The following COL5A2 variants were observed in gnomAD, a reference collection of about 807,000 sequenced individuals.
The protein encoded by COL5A2 is collagen type V alpha 2 chain.
In COL5A2, 23 loss-of-function variants were observed where a neutral mutation model predicts 208.2. The observed-to-expected ratio is 0.11, with a 90% CI of 0.08 to 0.16. The LOEUF (loss-of-function observed/expected upper bound fraction) is 0.16. Among genes scored for constraint, COL5A2 ranks in the 10% least tolerant of loss-of-function variants. The pLI is 1.00. For missense variants in COL5A2, 1,590 were observed against 1,956.4 expected (o/e 0.81, Z 3.53); for synonymous variants, 625 against 628.5 (o/e 0.99, Z 0.08).
the COL5A2 span, among the ~76,000 whole-genome samples, chr2:189,363,970 G>A: frequency 6.6e-6 from 1 of 152,206 alleles, no homozygotes; most frequent in Non-Finnish European, 1.5e-5. Flanking sequence ...TGTTCATACA[G>A]GAAGGGAAAC....
the COL5A2 span, among the ~76,000 whole-genome samples, chr2:189,319,745 G>A: frequency 0.017 from 2,592 of 152,332 alleles, 77 homozygotes; most frequent in African/African-American, 0.059. Context: ...GGAGCAGGGC[G>A]TAGCCGAACA....
At chr2:189,099,517 C>T (rs1480280418) in intron 4 of COL5A2, among the ~76,000 whole-genome samples, 3 of 152,008 alleles carry the variant, frequency 2.0e-5, no homozygotes, top group African/African-American at 7.2e-5. Context: ...CCCAGCTGCT[C>T]GGGAGGCTGA....
chr2:189,241,942 C>T, the COL5A2 span, among the ~76,000 whole-genome samples: 3 of 152,100 alleles, frequency 2.0e-5, no homozygotes, highest in Non-Finnish European at 2.9e-5. Context: ...ATTTTATGTA[C>T]TTTTCTTTGA....
chr2:189,102,042 TGAAA>T (rs1441690385), intron 3 of COL5A2, among the ~76,000 whole-genome samples: 7 of 152,216 alleles, frequency 4.6e-5, no homozygotes, highest in African/African-American at 1.2e-4. Flanking sequence ...TTCAAAATGC[TGAAA>T]GAATTTGAAT....
chr2:189,402,578 T>C, the COL5A2 span, among the ~76,000 whole-genome samples: 1 of 152,192 alleles, frequency 6.6e-6, no homozygotes, highest in Admixed American at 6.5e-5. Flanking sequence ...TTGTATATGG[T>C]ATAAGGAAGG....
At chr2:189,098,615 A>T in intron 5 of COL5A2, 112 bp downstream of exon 5, 1 of 877,782 alleles carries the variant, frequency 1.1e-6, no homozygotes, top group South Asian at 1.4e-5. Flanking sequence ...GTTTTAAGAG[A>T]CCAAGTATCA....
At chr2:189,313,144 G>T in the COL5A2 span, among the ~76,000 whole-genome samples, 4 of 151,930 alleles carry the variant, frequency 2.6e-5, no homozygotes, top group Non-Finnish European at 5.9e-5. Context: ...GACAAGACGG[G>T]AGCAGACAAA....
the COL5A2 span, among the ~76,000 whole-genome samples, chr2:189,312,910 G>A: frequency 1.3e-5 from 2 of 150,756 alleles, no homozygotes; most frequent in Non-Finnish European, 1.5e-5. Context: ...CAACCTCAAA[G>A]ATAGAAGGTA....
chr2:189,058,745 GA>G, intron 32 of COL5A2, 103 bp downstream of exon 32: 1 of 1,124,548 alleles, frequency 8.9e-7, no homozygotes, highest in South Asian at 1.4e-5. Flanking sequence ...TCCAGTCAAA[GA>G]ATTTATAGGT....
chr2:189,322,324 G>T, the COL5A2 span, among the ~76,000 whole-genome samples: 1 of 152,056 alleles, frequency 6.6e-6, no homozygotes, highest in East Asian at 1.9e-4. Context: ...AAATAACAAA[G>T]ATCAGAGCAG....
At chr2:189,344,578 A>T in the COL5A2 span, among the ~76,000 whole-genome samples, 3 of 152,146 alleles carry the variant, frequency 2.0e-5, no homozygotes, top group Non-Finnish European at 4.4e-5. Context: ...AGTCCCAAGA[A>T]TATCTAAACT....
At position 189,033,621 on chromosome 2, in the gene COL5A2, G is replaced by T; in HGVS notation, c.*449C>A. 1 of 185,896 alleles carries T rather than the reference G, an allele frequency of 5.4e-6. No individual in the cohort carries two copies. Among genetic ancestry groups the T allele is most frequent in the Non-Finnish European group, 1.2e-5 (1 of 86,764 alleles). 11.5% of individuals were successfully genotyped at this position (185,896 alleles called of 1,614,324 possible). A position where few individuals can be genotyped will look rare whatever the true frequency, so the allele number is the denominator to read the frequency against. ...TCTTGGAATGAGAGGTCACAAAAGG[G>T]CACTAATTTCTATTTTTCAACTGCA... On this transcript the variant is annotated 3_prime_UTR_variant, in exon 54 of 54. Transcript: ENST00000374866.
intron 1 of COL5A2, among the ~76,000 whole-genome samples, chr2:189,151,346 A>G (rs990003707): frequency 6.6e-6 from 1 of 152,158 alleles, no homozygotes; most frequent in African/African-American, 2.4e-5. Context: ...TTTATGTTTT[A>G]TATTTAATAA....
chr2:189,060,530 G>A (rs938277523), intron 31 of COL5A2, among the ~76,000 whole-genome samples, 200 bp downstream of exon 31: 1 of 152,060 alleles, frequency 6.6e-6, no homozygotes, highest in African/African-American at 2.4e-5. Context: ...TGTGACTTTG[G>A]GAAAGTTATC....
chr2:189,166,004 GA>G (rs1406100291), intron 1 of COL5A2, among the ~76,000 whole-genome samples: 4 of 152,058 alleles, frequency 2.6e-5, no homozygotes, highest in African/African-American at 9.7e-5. Context: ...GTAAAAAATA[GA>G]AGAGTCAAAG....
chr2:189,173,534 T>C (rs898090377), intron 1 of COL5A2, among the ~76,000 whole-genome samples: 64 of 152,232 alleles, frequency 4.2e-4, no homozygotes, highest in African/African-American at 1.5e-3. Context: ...TTTTAAATAT[T>C]GAATATCACA....
rs1576493048 is a variant in COL5A2, at chr2:189,049,385, G to A, written c.3109C>T (p.Pro1037Ser). 3.1e-6 allele frequency: 5 copies of A among 1,613,450 alleles called. No homozygotes were observed. Residue 1037 changes from proline to serine, a missense_variant, in exon 44 of 54, where the codon CCA becomes TCA. By Grantham distance (74) the Pro-to-Ser change is moderately conservative (BLOSUM62 -1). Transcript: ENST00000374866. Reference protein sequence around the residue: ...DKGPPGPVGPPGSNGPVGEPG... With the variant: ...DKGPPGPVGPSGSNGPVGEPG... ...TCCCCTACAGGACCATTGGAGCCTG[G>A]GGGCCCCACAGGTCCAGGTGGACCT... is the stretch of plus-strand genomic sequence containing the variant.
At chr2:189,244,782 A>C in the COL5A2 span, among the ~76,000 whole-genome samples, 1 of 151,884 alleles carries the variant, frequency 6.6e-6, no homozygotes, top group Admixed American at 6.6e-5. Context: ...GCAGCGCACC[A>C]CTCTACTGGT....
intron 1 of COL5A2, among the ~76,000 whole-genome samples, chr2:189,219,087 A>G (rs1379072125): frequency 6.6e-6 from 1 of 152,218 alleles, no homozygotes; most frequent in African/African-American, 2.4e-5. Flanking sequence ...CAGCAAAAAA[A>G]TTGCTTGAAA....
Sources: allele counts gnomAD v4.1 joint callset (sites outside exome capture counted in the v4.1 genomes callset), GRCh38; gene constraint gnomAD v4.1.1; transcripts MANE v1.5; gene names NCBI Gene and HGNC (gene_info 2026-07-23, HGNC 2026-07-21).